Variants in ELOVL2 observed in about 807,000 individuals in gnomAD.
ELOVL2 encodes ELOVL fatty acid elongase 2.
In ELOVL2, 38 loss-of-function variants were observed where a neutral mutation model predicts 37.7. The observed-to-expected ratio is 1.01, with a 90% CI of 0.78 to 1.32. The LOEUF is 1.32. ELOVL2 is among the 40% of genes most tolerant of loss of function. The probability of loss-of-function intolerance (pLI) is 0.00; values close to 1 mark genes in which losing one functional copy is unlikely to be tolerated. For synonymous variants in ELOVL2, 115 were observed against 122.3 expected (o/e 0.94, Z 0.40); for missense variants, 352 against 363.6 (o/e 0.97, Z 0.26).
chr6:10,992,499 A>G (rs2037676441), intron 5 of ELOVL2, among the ~76,000 whole-genome samples: 1 of 152,212 alleles, frequency 6.6e-6, no homozygotes, highest in Non-Finnish European at 1.5e-5. Flanking sequence ...CTCTTTGTAA[A>G]ACAGGATTAG....
Position 11,044,227 on chromosome 6 carries a change from C to T in ELOVL2, c.3+1G>A. On this transcript the variant is annotated splice_donor_variant, in intron 1 of 7. Coordinates refer to ENST00000354666, the MANE Select transcript of ELOVL2 (RefSeq NM_017770.4). LOFTEE classifies it high-confidence loss of function. The surrounding 1 kb of genome is among the most constrained non-coding windows in gnomAD (Gnocchi z 5.6). ...CGGTGGCGGCGCGCGGCCCCACTCACCATGATCCGCAGCGGCTGTGGCGCG... is the reference window on the plus strand; with the variant it reads ...CGGTGGCGGCGCGCGGCCCCACTCATCATGATCCGCAGCGGCTGTGGCGCG... 1.4e-6 allele frequency: 2 copies of T among 1,402,302 alleles called. No homozygotes were observed. The highest frequency in any genetic ancestry group is 1.6e-5 in the South Asian group (1 of 61,198). 86.9% of individuals were successfully genotyped at this position (1,402,302 alleles called of 1,614,324 possible).
At chr6:11,006,518 T>C (rs1782486091) in intron 2 of ELOVL2, among the ~76,000 whole-genome samples, 1 of 152,248 alleles carries the variant, frequency 6.6e-6, no homozygotes, top group South Asian at 2.1e-4. Flanking sequence ...AATGGAGTTG[T>C]AGTGAGCTGG....
chr6:10,995,199 G>A (rs747947657), intron 4 of ELOVL2, 21 bp from the exon 5 acceptor site: 2 of 1,566,806 alleles, frequency 1.3e-6, no homozygotes, highest in Non-Finnish European at 1.7e-6. Flanking sequence ...TTGTAAAGGG[G>A]AGAAAAGGGT....
At chr6:11,019,252 T>C (rs1320905968) in intron 1 of ELOVL2, among the ~76,000 whole-genome samples, 3 of 152,208 alleles carry the variant, frequency 2.0e-5, no homozygotes, top group Non-Finnish European at 2.9e-5. Context: ...TTTCTTCATT[T>C]CAGCCTCACC....
intron 4 of ELOVL2, 137 bp downstream of exon 4, chr6:10,999,950 T>TAC: frequency 1.4e-6 from 1 of 735,360 alleles, no homozygotes; most frequent in Non-Finnish European, 2.3e-6. Context: ...TCATCTTTGT[T>TAC]ACCAAGCATT....
Position 11,044,153 on chromosome 6 carries a change from T to C in ELOVL2, c.3+75A>G. 2 of 1,412,156 alleles carry C rather than the reference T, an allele frequency of 1.4e-6. No individual in the cohort carries two copies. The highest frequency in any genetic ancestry group is 9.3e-7 in the Non-Finnish European group (1 of 1,077,488). 87.5% of individuals were successfully genotyped at this position (1,412,156 alleles called of 1,614,324 possible). A position where few individuals can be genotyped will look rare whatever the true frequency, so the allele number is the denominator to read the frequency against. On this transcript the variant is annotated intron_variant, in intron 1 of 7. Coordinates refer to ENST00000354666, the MANE Select transcript of ELOVL2 (RefSeq NM_017770.4). The surrounding 1 kb of genome is among the most constrained non-coding windows in gnomAD (Gnocchi z 5.6). Reference sequence around the variant, plus strand: ...GCCCGCGCCGGCGCCCGCTCGGCCCTTTCCCGCCCGGTGCGTGGGTCCAGG... The same window carrying C: ...GCCCGCGCCGGCGCCCGCTCGGCCCCTTCCCGCCCGGTGCGTGGGTCCAGG...
At chr6:11,003,946 G>T (rs1374473539) in intron 3 of ELOVL2, among the ~76,000 whole-genome samples, 1 of 151,988 alleles carries the variant, frequency 6.6e-6, no homozygotes, top group South Asian at 2.1e-4. Context: ...AGCCAGGATT[G>T]GTGGTGGGTG....
At chr6:11,013,796 G>C (rs182112193) in intron 1 of ELOVL2, among the ~76,000 whole-genome samples, 1 of 151,560 alleles carries the variant, frequency 6.6e-6, no homozygotes, top group Non-Finnish European at 1.5e-5. Context: ...ACCTGAGCGA[G>C]AGGCACTGGC....
intron 4 of ELOVL2, among the ~76,000 whole-genome samples, chr6:10,999,665 T>C (rs1275956070): frequency 3.9e-5 from 6 of 152,172 alleles, no homozygotes; most frequent in African/African-American, 1.4e-4. Flanking sequence ...TGAGCCACCA[T>C]GCCCGGCAGA....
intron 1 of ELOVL2, among the ~76,000 whole-genome samples, chr6:11,018,033 T>C (rs1782711064): frequency 6.6e-6 from 1 of 152,248 alleles, no homozygotes; most frequent in Non-Finnish European, 1.5e-5. Context: ...TTAACATTCT[T>C]AACTCCCAGT....
At chr6:11,035,282 T>C (rs1183276421) in intron 1 of ELOVL2, among the ~76,000 whole-genome samples, 1 of 152,206 alleles carries the variant, frequency 6.6e-6, no homozygotes, top group East Asian at 1.9e-4. Context: ...TCCCATTCAT[T>C]TGGACCCCTA....
chr6:10,986,316 T>A (rs1187481605), intron 7 of ELOVL2, among the ~76,000 whole-genome samples: 1 of 152,228 alleles, frequency 6.6e-6, no homozygotes, highest in Non-Finnish European at 1.5e-5. Flanking sequence ...TGACTTCCTC[T>A]TTTCCTAATT....
Position 11,000,085 on chromosome 6 carries a change from AC to A in ELOVL2, c.333+1del, listed in dbSNP as rs781056660. On this transcript the variant is annotated splice_donor_variant, in intron 4 of 7. Coordinates refer to ENST00000354666, the MANE Select transcript of ELOVL2 (RefSeq NM_017770.4). LOFTEE classifies it high-confidence loss of function. ...TTGGTTGATTTGCTTCTAGTGGCTC[AC>A]CCGGATGTCAGCTTCCCCTGCGCTG... 29 of 1,613,864 alleles carry A rather than the reference AC, an allele frequency of 1.8e-5. No individual in the cohort carries two copies. Among genetic ancestry groups the A allele is most frequent in the Non-Finnish European group, 1.7e-6 (2 of 1,179,904 alleles).
rs1781932884 is a variant in ELOVL2, at chr6:10,981,379, G to A, written c.*2402C>T. ...TTGAAGTTACAACACTTAACGACAG[G>A]TTAAAATGTTTACCTGATTTATTTT... On this transcript the variant is annotated 3_prime_UTR_variant, in exon 8 of 8. Transcript: ENST00000354666. 1 of 152,516 alleles carries A rather than the reference G, an allele frequency of 6.6e-6. No homozygotes were observed. The highest frequency in any genetic ancestry group is 6.5e-5 in the Admixed American group (1 of 15,276). 9.4% of individuals were successfully genotyped at this position (152,516 alleles called of 1,614,324 possible). A position where few individuals can be genotyped will look rare whatever the true frequency, so the allele number is the denominator to read the frequency against.
intron 7 of ELOVL2, among the ~76,000 whole-genome samples, chr6:10,986,583 CT>C (rs1302165444): frequency 1.3e-5 from 2 of 152,112 alleles, no homozygotes; most frequent in East Asian, 3.9e-4. Context: ...TGTCAAAGGC[CT>C]TTTCTGCATC....
intron 1 of ELOVL2, among the ~76,000 whole-genome samples, chr6:11,042,526 T>C (rs1308082052): frequency 6.6e-6 from 1 of 152,026 alleles, no homozygotes; most frequent in African/African-American, 2.4e-5. Context: ...TCCTTGGACT[T>C]ATTCCCTTAC....
At chr6:11,026,295 T>G (rs1782837217) in intron 1 of ELOVL2, among the ~76,000 whole-genome samples, 1 of 152,182 alleles carries the variant, frequency 6.6e-6, no homozygotes, top group Admixed American at 6.5e-5. Context: ...CTATGAATTT[T>G]TTTCATTGTC....
intron 1 of ELOVL2, among the ~76,000 whole-genome samples, chr6:11,040,792 C>CTAATATTTACTAAGCA (rs1783087759): frequency 6.6e-6 from 1 of 152,064 alleles, no homozygotes; most frequent in African/African-American, 2.4e-5. Context: ...CATATTTGTT[C>CTAATATTTACTAAGCA]CTCCCGAAAA....
In ELOVL2 at chr6:11,013,329, CAT is replaced by C. The variant is rs534690688; in HGVS notation, c.4-2522_4-2521del. The stretch of plus-strand genomic sequence containing the variant: ...TGAGGTTTACACTGGAATAGTAAAA[CAT>C]AGCATAAGCACAGAGAGGTCTGCAG... On this transcript the variant is annotated intron_variant, in intron 1 of 7. Transcript: ENST00000354666. Among the ~76,000 whole-genome samples, 117 of 152,310 alleles carry C rather than the reference CAT, an allele frequency of 7.7e-4. 1 individual carries two copies. In the Middle Eastern group the frequency reaches 0.01, roughly 13 times the overall value.
Sources: allele counts gnomAD v4.1 joint callset (sites outside exome capture counted in the v4.1 genomes callset), GRCh38; gene constraint gnomAD v4.1.1; non-coding constraint Gnocchi (gnomAD v3.1); transcripts MANE v1.5; gene names NCBI Gene and HGNC (gene_info 2026-07-23, HGNC 2026-07-21).